Variants in FMC1 observed in about 807,000 individuals in gnomAD.
The protein encoded by FMC1 is protein FMC1 homolog.
FMC1 carries 6 observed loss-of-function variants against 10.5 expected under a neutral mutation model. The observed-to-expected ratio is 0.57, with a 90% CI of 0.31 to 1.12. The LOEUF is 1.12. Ranked by LOEUF, FMC1 falls within the 50% of genes most tolerant of loss-of-function variation. The pLI, the probability that FMC1 is intolerant of heterozygous loss-of-function variation, is 0.05. For missense variants in FMC1, 146 were observed against 151.7 expected, an observed-to-expected ratio of 0.96 and a Z score of 0.20; for synonymous variants, 59 against 62.1, an observed-to-expected ratio of 0.95 and a Z score of 0.24.
intron 1 of FMC1, among the ~76,000 whole-genome samples, chr7:139,342,426 C>T (rs1240031001): frequency 6.6e-6 from 1 of 152,076 alleles, no homozygotes; most frequent in Non-Finnish European, 1.5e-5. Context: ...AGAAAAATTG[C>T]CAGTTGAGAG....
At chr7:139,345,412 C>T (rs564401009) in intron 1 of FMC1, 89 bp from the exon 2 acceptor site, 669 of 1,537,530 alleles carry the variant, frequency 4.4e-4, no homozygotes, top group Admixed American at 8.8e-4. Context: ...AATTTACTTT[C>T]ACTCTAGTGA....
chr7:139,344,088 T>C (rs1799140104), intron 1 of FMC1, among the ~76,000 whole-genome samples: 1 of 151,928 alleles, frequency 6.6e-6, no homozygotes, highest in Non-Finnish European at 1.5e-5. Flanking sequence ...AATACAGAAC[T>C]AGTTAAAGAG....
intron 1 of FMC1, among the ~76,000 whole-genome samples, chr7:139,343,628 A>G (rs1323983170): frequency 6.6e-6 from 1 of 152,138 alleles, no homozygotes; most frequent in Non-Finnish European, 1.5e-5. Context: ...CTAACACTAG[A>G]TATTCAAATA....
upstream of FMC1, chr7:139,340,714 A>G: frequency 5.2e-6 from 2 of 387,120 alleles, no homozygotes; most frequent in Non-Finnish European, 9.1e-6. Context: ...CAGTGGCCTA[A>G]TGGATAAGGC....
chr7:139,344,962 C>G (rs1327194974), intron 1 of FMC1: 1 of 151,796 alleles, frequency 6.6e-6, no homozygotes, highest in East Asian at 1.9e-4. Context: ...ATCTGCCCGC[C>G]TCGGCCTCCC....
chr7:139,341,255 T>C, upstream of FMC1: 1 of 1,441,706 alleles, frequency 6.9e-7, no homozygotes, highest in Non-Finnish European at 9.2e-7. Context: ...AGTGAGCGGT[T>C]CCACTGCTCG....
chr7:139,340,942 G>T (rs1301025722), upstream of FMC1, among the ~76,000 whole-genome samples: 1 of 151,974 alleles, frequency 6.6e-6, no homozygotes, highest in East Asian at 1.9e-4. Context: ...AGGTCCCCTG[G>T]GATTTGGGGA....
chr7:139,341,102 T>C (rs995330133), upstream of FMC1: 13 of 337,050 alleles, frequency 3.9e-5, no homozygotes, highest in African/African-American at 2.8e-4. Context: ...GCATCTTCAA[T>C]GACGCAGTGA....
chr7:139,343,273 T>G (rs1585055076), intron 1 of FMC1, among the ~76,000 whole-genome samples: 1 of 152,342 alleles, frequency 6.6e-6, no homozygotes, highest in East Asian at 1.9e-4. Context: ...AAATTTAAAT[T>G]ACTAAAAAGT....
chr7:139,340,783 T>C (rs940478859), upstream of FMC1, among the ~76,000 whole-genome samples: 5 of 151,170 alleles, frequency 3.3e-5, no homozygotes, highest in African/African-American at 4.8e-5. Flanking sequence ...GCCTGTGACT[T>C]TTGTCCTTTT....
chr7:139,341,224 A>G (rs1193306809), upstream of FMC1: 5 of 1,310,086 alleles, frequency 3.8e-6, no homozygotes, highest in African/African-American at 1.5e-5. Flanking sequence ...CCTTCGATTA[A>G]TAAGGTTCGG....
upstream of FMC1, chr7:139,340,991 T>G (rs777638325): frequency 3.3e-5 from 6 of 182,968 alleles, no homozygotes; most frequent in Non-Finnish European, 5.6e-5. Flanking sequence ...CTTTTATAAA[T>G]CATTTAAAAA....
intron 1 of FMC1, among the ~76,000 whole-genome samples, 199 bp downstream of exon 1, chr7:139,341,721 G>T (rs544723571): frequency 6.6e-6 from 1 of 152,220 alleles, no homozygotes; most frequent in Non-Finnish European, 1.5e-5. Context: ...ACCAGCGGGG[G>T]GGGGCGCAGA....
At chr7:139,341,334 T>G, upstream of FMC1, 1 of 1,572,396 alleles carries the variant, frequency 6.4e-7, no homozygotes, top group Non-Finnish European at 8.7e-7. Flanking sequence ...AGGAGGGGTT[T>G]TCAGGGTCGT....
chr7:139,344,593 G>C (rs1054272766), intron 1 of FMC1, among the ~76,000 whole-genome samples: 3 of 151,010 alleles, frequency 2.0e-5, no homozygotes, highest in Admixed American at 6.6e-5. Flanking sequence ...ATTGTAATAA[G>C]TAATATGAAC....
intron 1 of FMC1, 96 bp from the exon 2 acceptor site, chr7:139,345,405 T>G: frequency 6.6e-7 from 1 of 1,521,900 alleles, no homozygotes; most frequent in Non-Finnish European, 8.8e-7. Context: ...TCTGTGCAAT[T>G]TACTTTCACT....
chr7:139,345,631 C>G lies in FMC1; in HGVS notation c.269C>G (p.Ser90Trp), dbSNP rs148777611. 3.1e-6 allele frequency: 5 copies of G among 1,613,982 alleles called. No homozygotes were observed. The African/African-American group carries it at 6.7e-5, about 22-fold the overall frequency. The stretch of plus-strand genomic sequence containing the variant: ...GAATTTCATGGCAAGGGTGAGCGCT[C>G]GGTGGAGGAGTCTGCTGGCTTGGTG... ...HQEFHGKGER[S>W]VEESAGLVGL... Residue 90 changes from serine (S) to tryptophan (W), a missense_variant, in exon 2 of 2, where the codon TCG becomes TGG. Ser to Trp is a radical substitution (Grantham distance 177). Coordinates refer to ENST00000297534, the MANE Select transcript of FMC1 (RefSeq NM_197964.5).
intron 1 of FMC1, 90 bp downstream of exon 1, chr7:139,341,612 C>T: frequency 1.3e-6 from 2 of 1,529,558 alleles, no homozygotes; most frequent in East Asian, 2.3e-5. Context: ...TGTTTAATTC[C>T]TGCATTTCTG....
upstream of FMC1, among the ~76,000 whole-genome samples, chr7:139,340,781 CTT>C (rs1389570696): frequency 6.6e-6 from 1 of 151,116 alleles, no homozygotes; most frequent in Non-Finnish European, 1.5e-5. Context: ...TGGCCTGTGA[CTT>C]TTGTCCTTTT....
Sources: allele counts gnomAD v4.1 joint callset (sites outside exome capture counted in the v4.1 genomes callset), GRCh38; gene constraint gnomAD v4.1.1; transcripts MANE v1.5; gene names NCBI Gene and HGNC (gene_info 2026-07-23, HGNC 2026-07-21).